DENND2B: variants seen among roughly 807,000 people sequenced by gnomAD.
DENND2B encodes DENN domain containing 2B, also known as DENN domain-containing protein 2B.
Under a neutral mutation model 116.0 loss-of-function variants are expected in DENND2B, and 32 were observed. The observed-to-expected ratio is 0.28, with a 90% CI of 0.21 to 0.37. DENND2B has a LOEUF of 0.37. Ranked by LOEUF, DENND2B falls within the 10% of genes least tolerant of loss-of-function variation. The pLI, the probability that DENND2B is intolerant of heterozygous loss-of-function variation, is 1.00. For missense variants in DENND2B, 1,276 were observed against 1,477.7 expected, an observed-to-expected ratio of 0.86 and a Z score of 2.24; for synonymous variants, 588 against 583.9, an observed-to-expected ratio of 1.01 and a Z score of -0.10.
chr11:8,774,799 C>A (rs2057392023), intron 1 of DENND2B, among the ~76,000 whole-genome samples: 1 of 152,120 alleles, frequency 6.6e-6, no homozygotes, highest in Non-Finnish European at 1.5e-5. Context: ...ACTTGCTTCT[C>A]CCCTGGGGAG....
In DENND2B at chr11:8,702,854, C is replaced by CA. The variant is rs1470356871; in HGVS notation, c.2572-135dup. On this transcript the variant is annotated intron_variant, in intron 13 of 19. Transcript: ENST00000313726. The surrounding 1 kb of genome is among the most constrained non-coding windows in gnomAD (Gnocchi z 4.6). ...CAGGTCTCTCGTCTACCCTGCTATG[C>CA]AGTAAACCCCTCTTCTCCATCCCTC... 2.8e-6 allele frequency: 3 copies of CA among 1,066,342 alleles called. No homozygotes were observed. Among genetic ancestry groups the CA allele is most frequent in the Non-Finnish European group, 4.0e-6 (3 of 751,250 alleles). 66.1% of individuals were successfully genotyped at this position (1,066,342 alleles called of 1,614,324 possible).
chr11:8,826,909 C>T (rs1362520433), intron 4 of DENND2B, among the ~76,000 whole-genome samples: 1 of 152,092 alleles, frequency 6.6e-6, no homozygotes, highest in African/African-American at 2.4e-5. Context: ...CAATTAGACC[C>T]CACGATTCAA....
Position 8,717,867 on chromosome 11 carries a change from A to T in DENND2B, c.1503T>A (p.Tyr501Ter). ...TTCGGCTCTTTAAGTCCACATCCTC[A>T]TATGGATTCTCCTTGGGCAGATCTC... is the stretch of plus-strand genomic sequence containing the variant. Reference protein sequence around the residue: ...IVGDLPKENPYEDVDLKSRRA... With the variant: ...IVGDLPKENP Residue 501 changes from tyrosine (Y) to a stop codon, truncating the protein, a stop_gained, in exon 5 of 20, where the codon TAT becomes TAA. Transcript: ENST00000313726. LOFTEE classifies it high-confidence loss of function. The T allele has an allele frequency of 6.2e-7, 1 of 1,612,464 alleles. No individual in the cohort carries two copies.
chr11:8,843,449 T>C (rs2062698074), intron 3 of DENND2B, among the ~76,000 whole-genome samples: 1 of 152,150 alleles, frequency 6.6e-6, no homozygotes, highest in Non-Finnish European at 1.5e-5. Flanking sequence ...TCAGTGGGCC[T>C]CAATTTCTTC....
chr11:8,876,875 T>A (rs2063847026), intron 2 of DENND2B, among the ~76,000 whole-genome samples: 1 of 100,972 alleles, frequency 9.9e-6, no homozygotes, highest in South Asian at 4.7e-4. Context: ...CAAGATTCCG[T>A]CTCAAAAAAA....
intron 4 of DENND2B, among the ~76,000 whole-genome samples, chr11:8,820,712 G>C (rs1179825819): frequency 3.9e-5 from 6 of 152,112 alleles, no homozygotes; most frequent in African/African-American, 1.4e-4. Flanking sequence ...ATGTTATTAA[G>C]AAATTAAGAA....
chr11:8,783,253 T>TA (rs1215646366), intron 1 of DENND2B, among the ~76,000 whole-genome samples: 5 of 152,096 alleles, frequency 3.3e-5, no homozygotes, highest in African/African-American at 1.2e-4. Context: ...AGCATCTCAC[T>TA]ACGTTGCCCA....
At chr11:8,829,637 A>T (rs1051703087) in intron 4 of DENND2B, among the ~76,000 whole-genome samples, 1 of 152,018 alleles carries the variant, frequency 6.6e-6, no homozygotes, top group African/African-American at 2.4e-5. Flanking sequence ...TTTATCACCT[A>T]ATGTTATCCA....
chr11:8,714,116 C>A, intron 7 of DENND2B, 74 bp from the exon 8 acceptor site: 1 of 1,437,740 alleles, frequency 7.0e-7, no homozygotes, highest in Non-Finnish European at 9.8e-7. Context: ...ACCACCCCAG[C>A]TTTTCTCACA....
At chr11:8,869,827 C>T (rs2063715427) in intron 2 of DENND2B, among the ~76,000 whole-genome samples, 1 of 152,102 alleles carries the variant, frequency 6.6e-6, no homozygotes, top group South Asian at 2.1e-4. Context: ...CTTGTGCGGT[C>T]CTTAATTCAG....
chr11:8,909,110 T>C (rs1344367277), intron 1 of DENND2B, among the ~76,000 whole-genome samples: 1 of 152,084 alleles, frequency 6.6e-6, no homozygotes, highest in Non-Finnish European at 1.5e-5. Context: ...GTTAGTACTA[T>C]TGGAATCCCC....
chr11:8,839,701 C>T (rs967196323), intron 3 of DENND2B, among the ~76,000 whole-genome samples: 3 of 152,106 alleles, frequency 2.0e-5, no homozygotes, highest in Admixed American at 6.5e-5. Context: ...AGCTCTTAAC[C>T]TCAAAGGGTT....
intron 1 of DENND2B, among the ~76,000 whole-genome samples, chr11:8,754,107 T>C (rs2053176946): frequency 6.6e-6 from 1 of 151,444 alleles, no homozygotes; most frequent in Non-Finnish European, 1.5e-5. Context: ...ACTTTTGTGC[T>C]GTAAGCAATA....
chr11:8,900,433 A>G (rs1340595409), intron 1 of DENND2B, among the ~76,000 whole-genome samples: 1 of 63,404 alleles, frequency 1.6e-5, no homozygotes, highest in Non-Finnish European at 4.3e-5. Flanking sequence ...TCCATCTCAA[A>G]AAAAAAAAAA....
chr11:8,729,833 C>T, intron 3 of DENND2B, 117 bp downstream of exon 3: 3 of 1,361,046 alleles, frequency 2.2e-6, no homozygotes, highest in Middle Eastern at 2.6e-4. Flanking sequence ...TTATTCAGCA[C>T]TTCAGAGCTT....
chr11:8,897,375 T>C (rs1270357709), intron 1 of DENND2B, among the ~76,000 whole-genome samples: 3 of 151,986 alleles, frequency 2.0e-5, no homozygotes, highest in Non-Finnish European at 2.9e-5. Context: ...GTATTTTGAG[T>C]TTTTGCAATC....
chr11:8,745,477 G>A (rs2051068943), intron 2 of DENND2B, among the ~76,000 whole-genome samples: 1 of 152,204 alleles, frequency 6.6e-6, no homozygotes, highest in South Asian at 2.1e-4. Context: ...TGGGAAAGAT[G>A]TGAATTGTTG....
At chr11:8,840,298 C>A (rs758310223) in intron 3 of DENND2B, among the ~76,000 whole-genome samples, 1 of 152,112 alleles carries the variant, frequency 6.6e-6, no homozygotes, top group Non-Finnish European at 1.5e-5. Context: ...TGTTCCCAGG[C>A]ACTCAGCATT....
At chr11:8,750,057 A>T in intron 2 of DENND2B, among the ~76,000 whole-genome samples, 1 of 152,224 alleles carries the variant, frequency 6.6e-6, no homozygotes, top group East Asian at 1.9e-4. Context: ...ACTCTGTAAG[A>T]TAACTACTAT....
Sources: gnomAD v4.1 joint callset for allele counts (sites outside exome capture counted in the v4.1 genomes callset) on GRCh38, gnomAD v4.1.1 for gene constraint, Gnocchi (gnomAD v3.1) non-coding constraint, MANE v1.5 for transcripts, NCBI Gene and HGNC (gene_info 2026-07-23, HGNC 2026-07-21) for gene names.